IREB2: variants seen among roughly 807,000 people sequenced by gnomAD.
The protein encoded by IREB2 is iron-responsive element-binding protein 2.
In IREB2, 39 loss-of-function variants were observed where a neutral mutation model predicts 118.8. The ratio of observed to expected loss-of-function variants is 0.33; its 90% CI spans 0.25 to 0.43. IREB2 has a LOEUF of 0.43. Ranked by LOEUF, IREB2 falls within the 20% of genes least tolerant of loss-of-function variation. The pLI is 1.00. For synonymous variants in IREB2, 372 were observed against 392.2 expected (o/e 0.95, Z 0.61); for missense variants, 900 against 1,147.3 (o/e 0.78, Z 3.11).
Position 78,487,732 on chromosome 15 carries a change from G to C in IREB2, c.1710-1G>C. Reference sequence around the variant, plus strand: ...TCAGTCACTTTTTTTTTGAAATGCAGATTTGAAATCGTTGGCTATGGATGT... The same window carrying C: ...TCAGTCACTTTTTTTTTGAAATGCACATTTGAAATCGTTGGCTATGGATGT... On this transcript the variant is annotated splice_acceptor_variant, in intron 13 of 21. Transcript: ENST00000258886. LOFTEE classifies it high-confidence loss of function. 6.3e-7 allele frequency: 1 copy of C among 1,574,988 alleles called. No homozygotes were observed. Among genetic ancestry groups the C allele is most frequent in the Non-Finnish European group, 8.7e-7 (1 of 1,146,518 alleles).
At chr15:78,474,719 A>G (rs1488062347) in intron 8 of IREB2, 1 of 152,158 alleles carries the variant, frequency 6.6e-6, no homozygotes, top group Non-Finnish European at 1.5e-5. Flanking sequence ...TGAGAGCAGC[A>G]TTTGGTTTGT....
At chr15:78,439,023 C>T (rs552273933) in intron 1 of IREB2, among the ~76,000 whole-genome samples, 1 of 152,254 alleles carries the variant, frequency 6.6e-6, no homozygotes, top group South Asian at 2.1e-4. Flanking sequence ...GTCCTGGCCA[C>T]CCACCGCTAT....
At chr15:78,474,656 G>T (rs1266087846) in intron 8 of IREB2, 6 of 151,898 alleles carry the variant, frequency 4.0e-5, no homozygotes, top group African/African-American at 1.5e-4. Flanking sequence ...TCTTTTTTGA[G>T]ATCCTGTTCC....
intron 2 of IREB2, among the ~76,000 whole-genome samples, chr15:78,456,499 C>CA (rs943194351): frequency 4.0e-5 from 6 of 149,822 alleles, no homozygotes; most frequent in African/African-American, 9.8e-5. Context: ...CCTATTGCTA[C>CA]AAAAAAAAAT....
At chr15:78,438,696 T>C (rs910533524) in intron 1 of IREB2, 1 of 391,990 alleles carries the variant, frequency 2.6e-6, no homozygotes, top group Non-Finnish European at 4.7e-6. Context: ...CCCACCGTCT[T>C]CTCCTGCCCG....
intron 2 of IREB2, among the ~76,000 whole-genome samples, chr15:78,461,677 C>G (rs527248799): frequency 6.6e-6 from 1 of 152,152 alleles, no homozygotes; most frequent in Non-Finnish European, 1.5e-5. Context: ...TCCTCGCCCC[C>G]CTCCACCTCA....
At chr15:78,489,023 C>T (rs1192532352) in intron 16 of IREB2, among the ~76,000 whole-genome samples, 2 of 152,102 alleles carry the variant, frequency 1.3e-5, no homozygotes, top group Admixed American at 1.3e-4. Flanking sequence ...AGCTCAAGAC[C>T]AGCCTGACCA....
chr15:78,442,357 T>A (rs1275862831), intron 2 of IREB2, among the ~76,000 whole-genome samples: 1 of 152,242 alleles, frequency 6.6e-6, no homozygotes, highest in African/African-American at 2.4e-5. Context: ...CAAAAAATCC[T>A]TATTGCATTT....
At chr15:78,438,193 TG>T (rs1360025631), upstream of IREB2, 19 of 665,362 alleles carry the variant, frequency 2.9e-5, 1 homozygote, top group Non-Finnish European at 4.7e-5. Flanking sequence ...GGGCTGGCTC[TG>T]CTGCTCTCGC....
At chr15:78,451,166 A>G (rs2051019864) in intron 2 of IREB2, among the ~76,000 whole-genome samples, 1 of 151,922 alleles carries the variant, frequency 6.6e-6, no homozygotes, top group African/African-American at 2.4e-5. Context: ...GGATTTCACC[A>G]TGTTGGCCAG....
chr15:78,441,567 G>C (rs371887536), intron 2 of IREB2, among the ~76,000 whole-genome samples: 70 of 152,298 alleles, frequency 4.6e-4, no homozygotes, highest in Non-Finnish European at 2.8e-4. Flanking sequence ...AATACTTTCT[G>C]TGTATAATCT....
rs151163398 is a variant in IREB2, at chr15:78,492,055, A to C, written c.2324+1294A>C. Among the ~76,000 whole-genome samples, 183 of 152,352 alleles carry C rather than the reference A, an allele frequency of 1.2e-3. 1 individual carries two copies. The highest frequency in any genetic ancestry group is 3.1e-3 in the Admixed American group (48 of 15,304). ...TGCTCATCAATTAGAATTTTCTAAA[A>C]ATAAAGACACTCAAACCTCCTACCA... On this transcript the variant is annotated intron_variant, in intron 18 of 21. Coordinates refer to ENST00000258886, the MANE Select transcript of IREB2 (RefSeq NM_004136.4).
chr15:78,497,337 G>A (rs766450730), intron 21 of IREB2, 26 bp downstream of exon 21: 23 of 1,437,408 alleles, frequency 1.6e-5, no homozygotes, highest in Middle Eastern at 3.5e-4. Context: ...TCAAATATAT[G>A]ATTATGCACT....
intron 20 of IREB2, among the ~76,000 whole-genome samples, chr15:78,495,069 T>TG (rs1031191244): frequency 2.6e-5 from 4 of 151,992 alleles, no homozygotes; most frequent in Admixed American, 6.6e-5. Context: ...GGCCATCTGC[T>TG]GGGGGGGAAT....
Position 78,499,329 on chromosome 15 carries a change from T to C in IREB2, c.*1186T>C, listed in dbSNP as rs1016625475. 3 of 152,216 alleles carry C rather than the reference T, an allele frequency of 2.0e-5. No individual in the cohort carries two copies. Among genetic ancestry groups the C allele is most frequent in the African/African-American group, 7.2e-5 (3 of 41,458 alleles). The allele number at this position is 152,216 out of a possible 1,614,324, so 9.4% of individuals were successfully genotyped here. Reference sequence around the variant, plus strand: ...CAACAAGATGTTTGGTAATTTTTTTTAAAAAGGTTGGAAAATTAATTATAG... The same window carrying C: ...CAACAAGATGTTTGGTAATTTTTTTCAAAAAGGTTGGAAAATTAATTATAG... On this transcript the variant is annotated 3_prime_UTR_variant, in exon 22 of 22. Coordinates refer to ENST00000258886, the MANE Select transcript of IREB2 (RefSeq NM_004136.4).
At chr15:78,465,104 A>G (rs2051259078) in intron 3 of IREB2, 147 bp from the exon 4 acceptor site, 2 of 596,628 alleles carry the variant, frequency 3.4e-6, no homozygotes, top group Middle Eastern at 4.6e-4. Flanking sequence ...TAAACAGGAT[A>G]CTCCTAACTT....
chr15:78,450,822 ATTTGTGTGTG>A (rs1287312665), intron 2 of IREB2, among the ~76,000 whole-genome samples: 8 of 121,204 alleles, frequency 6.6e-5, no homozygotes, highest in African/African-American at 2.7e-4. Context: ...ATATTAACAA[ATTTGTGTGTG>A]TGTGTGTGTG....
intron 2 of IREB2, among the ~76,000 whole-genome samples, chr15:78,448,294 G>A (rs2050964270): frequency 1.3e-5 from 2 of 152,006 alleles, no homozygotes; most frequent in African/African-American, 2.4e-5. Context: ...ACAGGTGCAC[G>A]CCACCACGCC....
chr15:78,472,465 CAA>C, intron 7 of IREB2, among the ~76,000 whole-genome samples: 1 of 152,006 alleles, frequency 6.6e-6, no homozygotes, highest in East Asian at 1.9e-4. Flanking sequence ...CTCCTGGGTT[CAA>C]GCAATTCTTG....
Sources: gnomAD v4.1 joint callset for allele counts (sites outside exome capture counted in the v4.1 genomes callset) on GRCh38, gnomAD v4.1.1 for gene constraint, MANE v1.5 for transcripts, NCBI Gene and HGNC (gene_info 2026-07-23, HGNC 2026-07-21) for gene names.